Variants in AGBL1 observed in about 807,000 individuals in gnomAD.
AGBL1 encodes the protein cytosolic carboxypeptidase 4.
AGBL1 carries 130 observed loss-of-function variants against 118.9 expected under a neutral mutation model. That is an observed-to-expected ratio of 1.09 (90% CI 0.95 to 1.26). AGBL1 has a LOEUF of 1.26. AGBL1 is among the 50% of genes most tolerant of loss of function. The pLI is 0.00. For missense variants in AGBL1, 1,584 were observed against 1,298.1 expected, an observed-to-expected ratio of 1.22 and a Z score of -3.38; for synonymous variants, 555 against 478.9, an observed-to-expected ratio of 1.16 and a Z score of -2.08.
chr15:86,559,744 C>T (rs899178792), intron 21 of AGBL1, among the ~76,000 whole-genome samples: 5 of 151,996 alleles, frequency 3.3e-5, no homozygotes, highest in African/African-American at 1.2e-4. Context: ...AAGTAACTTG[C>T]TCAAGGTCCC....
intron 24 of AGBL1, among the ~76,000 whole-genome samples, chr15:87,022,898 C>G (rs528757001): frequency 3.3e-5 from 5 of 152,012 alleles, no homozygotes; most frequent in Non-Finnish European, 7.4e-5. Context: ...CTTTTTCAGG[C>G]AAACAAATGC....
intron 22 of AGBL1, among the ~76,000 whole-genome samples, chr15:86,819,975 A>C (rs2141385485): frequency 6.6e-6 from 1 of 152,328 alleles, no homozygotes; most frequent in South Asian, 2.1e-4. Context: ...CAGAGGCCTC[A>C]GAAATAATGT....
chr15:86,988,205 A>G, intron 24 of AGBL1: 1 of 1,272,300 alleles, frequency 7.9e-7, no homozygotes, highest in South Asian at 1.5e-5. Context: ...TGGGCCAACA[A>G]CAAAAAAACA....
intron 22 of AGBL1, among the ~76,000 whole-genome samples, chr15:86,799,782 T>C (rs2078624788): frequency 6.6e-6 from 1 of 152,190 alleles, no homozygotes; most frequent in South Asian, 2.1e-4. Flanking sequence ...GGGAATTGCA[T>C]ATAAAACTAA....
At chr15:86,837,391 C>T (rs2079184473) in intron 22 of AGBL1, among the ~76,000 whole-genome samples, 1 of 152,138 alleles carries the variant, frequency 6.6e-6, no homozygotes, top group African/African-American at 2.4e-5. Context: ...GCAAGGGTCA[C>T]CAAATTACAG....
chr15:86,123,128 A>C (rs1364512654), intron 1 of AGBL1, among the ~76,000 whole-genome samples: 3 of 152,142 alleles, frequency 2.0e-5, no homozygotes, highest in African/African-American at 7.2e-5. Flanking sequence ...TCCAGGAGAG[A>C]ATTAACTAAG....
intron 22 of AGBL1, among the ~76,000 whole-genome samples, chr15:86,897,756 T>A: frequency 7.1e-6 from 1 of 140,926 alleles, no homozygotes; most frequent in African/African-American, 2.7e-5. Context: ...ACTCCTTTCA[T>A]CTTTTATCTT....
chr15:86,336,420 AG>A (rs2141873011), intron 17 of AGBL1, among the ~76,000 whole-genome samples: 1 of 152,398 alleles, frequency 6.6e-6, no homozygotes, highest in East Asian at 1.9e-4. Context: ...TGAAGCATAA[AG>A]CATGAGAGAA....
At chr15:86,893,361 A>G (rs2080077919) in intron 22 of AGBL1, among the ~76,000 whole-genome samples, 1 of 152,162 alleles carries the variant, frequency 6.6e-6, no homozygotes, top group Non-Finnish European at 1.5e-5. Context: ...AGAATCCGCA[A>G]AACTGCGTTT....
chr15:86,179,787 A>G (rs1406146166), intron 5 of AGBL1, among the ~76,000 whole-genome samples: 6 of 152,212 alleles, frequency 3.9e-5, no homozygotes, highest in African/African-American at 9.6e-5. Flanking sequence ...TTATCTTTGT[A>G]GAAATTCCAA....
intron 15 of AGBL1, among the ~76,000 whole-genome samples, chr15:86,277,858 C>A (rs1375818940): frequency 6.6e-6 from 1 of 152,244 alleles, no homozygotes; most frequent in Non-Finnish European, 1.5e-5. Context: ...TGTGCACTCA[C>A]ACATATGTGC....
chr15:86,483,046 G>A (rs1050541821), intron 18 of AGBL1, among the ~76,000 whole-genome samples: 2 of 151,930 alleles, frequency 1.3e-5, no homozygotes, highest in African/African-American at 4.8e-5. Context: ...AGGGGTGGCT[G>A]AATATACGTA....
chr15:86,203,906 A>G (rs981629786), intron 5 of AGBL1, among the ~76,000 whole-genome samples: 2 of 152,202 alleles, frequency 1.3e-5, no homozygotes, highest in African/African-American at 2.4e-5. Flanking sequence ...TTAGGATCCA[A>G]TAGATGTGAT....
At chr15:86,608,709 T>G (rs1328067942) in intron 21 of AGBL1, among the ~76,000 whole-genome samples, 1 of 152,196 alleles carries the variant, frequency 6.6e-6, no homozygotes, top group African/African-American at 2.4e-5. Context: ...AAAGAACAGC[T>G]GCTATTCAGT....
chr15:87,001,341 A>C (rs143330844), intron 24 of AGBL1, among the ~76,000 whole-genome samples: 1,705 of 152,092 alleles, frequency 0.011, 45 homozygotes, highest in African/African-American at 0.038. Flanking sequence ...AAAGTATTGC[A>C]TGGTGTATAT....
chr15:86,153,260 C>A (rs1039268396), intron 3 of AGBL1, among the ~76,000 whole-genome samples: 1 of 152,142 alleles, frequency 6.6e-6, no homozygotes, highest in Non-Finnish European at 1.5e-5. Context: ...TGGAACCAAC[C>A]CAAATGTCCA....
intron 22 of AGBL1, among the ~76,000 whole-genome samples, chr15:86,778,367 C>A (rs1271863024): frequency 5.3e-5 from 8 of 152,076 alleles, no homozygotes; most frequent in Admixed American, 6.6e-5. Flanking sequence ...CCAGTCTGAC[C>A]AAAATTTATT....
intron 21 of AGBL1, among the ~76,000 whole-genome samples, chr15:86,584,087 C>T (rs1171391275): frequency 6.6e-6 from 1 of 151,892 alleles, no homozygotes; most frequent in African/African-American, 2.4e-5. Context: ...GATATTAGAC[C>T]TTTGTTGGAT....
intron 21 of AGBL1, among the ~76,000 whole-genome samples, chr15:86,668,694 A>T (rs1012922742): frequency 7.2e-5 from 11 of 152,154 alleles, no homozygotes; most frequent in Admixed American, 2.0e-4. Context: ...GTTCACTTAT[A>T]ACTTGGTTTT....
Sources: gnomAD v4.1 joint callset for allele counts (sites outside exome capture counted in the v4.1 genomes callset) on GRCh38, gnomAD v4.1.1 for gene constraint, MANE v1.5 for transcripts, NCBI Gene and HGNC (gene_info 2026-07-23, HGNC 2026-07-21) for gene names.